The following GPR158 variants were observed in gnomAD, a reference collection of about 807,000 sequenced individuals.
GPR158 encodes metabotropic glycine receptor.
In GPR158, 30 loss-of-function variants were observed where a neutral mutation model predicts 78.2. The observed-to-expected ratio is 0.38, with a 90% CI of 0.29 to 0.52. The LOEUF is 0.52. Ranked by LOEUF, GPR158 falls within the 20% of genes least tolerant of loss-of-function variation. The pLI is 0.83. For synonymous variants in GPR158, 581 were observed against 591.1 expected (o/e 0.98, Z 0.25); for missense variants, 1,463 against 1,523.5 (o/e 0.96, Z 0.66).
chr10:25,429,805 C>T (rs1006523901), intron 4 of GPR158, among the ~76,000 whole-genome samples: 1 of 143,284 alleles, frequency 7.0e-6, no homozygotes, highest in Non-Finnish European at 1.5e-5. Context: ...TGACAAAATT[C>T]AACAACCGTT....
At chr10:25,307,620 C>T (rs1443708299) in intron 2 of GPR158, among the ~76,000 whole-genome samples, 2 of 152,086 alleles carry the variant, frequency 1.3e-5, no homozygotes, top group Non-Finnish European at 2.9e-5. Flanking sequence ...AGCAATCTTC[C>T]TGCCTTGGCC....
intron 4 of GPR158, among the ~76,000 whole-genome samples, chr10:25,455,568 A>G (rs764377583): frequency 3.9e-5 from 6 of 152,202 alleles, no homozygotes; most frequent in Non-Finnish European, 8.8e-5. Flanking sequence ...TTCATCACAG[A>G]TAAGAAAGAA....
chr10:25,444,732 A>G (rs1234775040), intron 4 of GPR158, among the ~76,000 whole-genome samples: 3 of 152,076 alleles, frequency 2.0e-5, no homozygotes, highest in Non-Finnish European at 4.4e-5. Context: ...ACTTGCTTCT[A>G]ATCTTAAGTT....
chr10:25,365,432 C>A (rs1369150964), intron 2 of GPR158, among the ~76,000 whole-genome samples: 1 of 151,586 alleles, frequency 6.6e-6, no homozygotes, highest in African/African-American at 2.4e-5. Context: ...ATTGAAAAAC[C>A]CTGCAAAATT....
At chr10:25,568,781 A>T (rs1168575146) in intron 6 of GPR158, among the ~76,000 whole-genome samples, 1 of 152,184 alleles carries the variant, frequency 6.6e-6, no homozygotes, top group African/African-American at 2.4e-5. Flanking sequence ...ATGCCTTTTC[A>T]TATGAAATTT....
chr10:25,381,876 C>T (rs540952091), intron 2 of GPR158, among the ~76,000 whole-genome samples: 1 of 152,100 alleles, frequency 6.6e-6, no homozygotes, highest in Admixed American at 6.6e-5. Context: ...TTATTGTAAA[C>T]AGGGTAAAGC....
rs562520613 is a variant in GPR158 at position 25,289,715 on chromosome 10, C to T, written c.1008+68558C>T. On this transcript the variant is annotated intron_variant, in intron 2 of 10. Coordinates refer to ENST00000376351, the MANE Select transcript of GPR158 (RefSeq NM_020752.3). ...AATTACAGGTGTGAGCCACCGCGCC[C>T]AGCCGAACATTTAAATGTTTTCTAA... Among the ~76,000 whole-genome samples, 480 of 152,164 alleles carry T rather than the reference C, an allele frequency of 3.2e-3. 1 individual carries two copies. The highest frequency in any genetic ancestry group is 0.011 in the African/African-American group (451 of 41,506).
At chr10:25,244,829 C>T (rs1247935427) in intron 2 of GPR158, 2 of 151,182 alleles carry the variant, frequency 1.3e-5, no homozygotes, top group East Asian at 3.9e-4. Context: ...GTTCTTACCT[C>T]TTTGTATCCT....
At chr10:25,344,510 TA>T (rs560264296) in intron 2 of GPR158, among the ~76,000 whole-genome samples, 1 of 151,482 alleles carries the variant, frequency 6.6e-6, no homozygotes, top group Non-Finnish European at 1.5e-5. Context: ...ATCTTGAGTT[TA>T]AAAAAAAGAG....
rs12220727 is a variant in GPR158, at chr10:25,268,327, C to T, written c.1008+47170C>T. On this transcript the variant is annotated intron_variant, in intron 2 of 10. Transcript: ENST00000376351. ...GAGGTTCTTAGGATCTATCTGTGAG[C>T]GTGCCTGGATAAACTTTAGTATATC... Among the ~76,000 whole-genome samples the T allele has an allele frequency of 8.4e-3, 1,282 of 152,066 alleles. 42 individuals carry two copies. In the East Asian group the frequency reaches 0.11, roughly 13 times the overall value.
chr10:25,285,086 G>GTGTGTA (rs927016154), intron 2 of GPR158, among the ~76,000 whole-genome samples: 6 of 151,746 alleles, frequency 4.0e-5, no homozygotes, highest in African/African-American at 1.5e-4. Flanking sequence ...GTGTGTGTGT[G>GTGTGTA]TGTGTATGCA....
intron 5 of GPR158, among the ~76,000 whole-genome samples, chr10:25,498,259 C>G (rs779057482): frequency 1.3e-5 from 2 of 152,142 alleles, no homozygotes; most frequent in Admixed American, 6.5e-5. Flanking sequence ...CGACTTCTTT[C>G]GGAATAGATG....
chr10:25,415,459 G>T (rs1480249124), intron 4 of GPR158, among the ~76,000 whole-genome samples: 1 of 151,956 alleles, frequency 6.6e-6, no homozygotes, highest in Non-Finnish European at 1.5e-5. Flanking sequence ...AACTCAAACC[G>T]ACAGTACCCA....
intron 2 of GPR158, among the ~76,000 whole-genome samples, chr10:25,263,385 C>A (rs1853994990): frequency 6.6e-6 from 1 of 152,102 alleles, no homozygotes; most frequent in Non-Finnish European, 1.5e-5. Flanking sequence ...TATGTCTGTT[C>A]TTTTCCTAAT....
chr10:25,571,092 T>TGCCAGTGTTAGCGTTC (rs11272881), intron 6 of GPR158, among the ~76,000 whole-genome samples: 18 of 151,952 alleles, frequency 1.2e-4, no homozygotes, highest in Non-Finnish European at 2.4e-4. Context: ...AGATATTACC[T>TGCCAGTGTTAGCGTTC]GCCAGTGTTA....
At chr10:25,438,183 A>C (rs918973577) in intron 4 of GPR158, among the ~76,000 whole-genome samples, 4 of 152,156 alleles carry the variant, frequency 2.6e-5, no homozygotes, top group Non-Finnish European at 4.4e-5. Flanking sequence ...TCACTTACTA[A>C]GTGTTCTTGG....
At chr10:25,499,734 G>A (rs1161469628) in intron 5 of GPR158, among the ~76,000 whole-genome samples, 1 of 152,170 alleles carries the variant, frequency 6.6e-6, no homozygotes, top group East Asian at 1.9e-4. Context: ...GAAGACAAGG[G>A]ACCACTCTTG....
At chr10:25,436,314 A>T (rs978484101) in intron 4 of GPR158, among the ~76,000 whole-genome samples, 2 of 152,198 alleles carry the variant, frequency 1.3e-5, no homozygotes, top group African/African-American at 4.8e-5. Context: ...GAGAAATCCA[A>T]GTTGAAATGC....
At chr10:25,554,781 G>T (rs886831856) in intron 6 of GPR158, among the ~76,000 whole-genome samples, 1 of 152,144 alleles carries the variant, frequency 6.6e-6, no homozygotes, top group African/African-American at 2.4e-5. Context: ...CTTTAGAAAG[G>T]TGTATTCTGT....
Sources: allele counts gnomAD v4.1 joint callset (sites outside exome capture counted in the v4.1 genomes callset), GRCh38; gene constraint gnomAD v4.1.1; transcripts MANE v1.5; gene names NCBI Gene and HGNC (gene_info 2026-07-23, HGNC 2026-07-21).